ZC3H14: variants seen among roughly 807,000 people sequenced by gnomAD.
ZC3H14 encodes the protein zinc finger CCCH-type containing 14.
ZC3H14 carries 31 observed loss-of-function variants against 92.4 expected under a neutral mutation model. The observed-to-expected ratio is 0.34, with a 90% confidence interval of 0.25 to 0.45. The LOEUF (loss-of-function observed/expected upper bound fraction) is 0.45, where lower values mean the gene tolerates loss of function less well. Among genes scored for constraint, ZC3H14 ranks in the 20% least tolerant of loss-of-function variants. The pLI is 1.00. For synonymous variants in ZC3H14, 321 were observed against 300.9 expected, an observed-to-expected ratio of 1.07 and a Z score of -0.69; for missense variants, 781 against 897.3, an observed-to-expected ratio of 0.87 and a Z score of 1.66.
At position 88,580,880 on chromosome 14, in the gene ZC3H14, T is replaced by A. The variant is rs187783958; in HGVS notation, c.1279+2740T>A. Among the ~76,000 whole-genome samples, 922 of 152,326 alleles carry A rather than the reference T, an allele frequency of 6.1e-3. 9 individuals carry two copies. The highest frequency in any genetic ancestry group is 0.022 in the African/African-American group (895 of 41,576). ...GGAAAGGTAGATTATCATCAAACTT[T>A]TCAACAGCATCACTTTTGTGCTGGA... On this transcript the variant is annotated intron_variant, in intron 9 of 16. Transcript: ENST00000251038.
At chr14:88,563,741 C>G (rs370924404) in intron 2 of ZC3H14, 48 bp downstream of exon 2, 2 of 1,571,454 alleles carry the variant, frequency 1.3e-6, no homozygotes, top group African/African-American at 1.3e-5. Flanking sequence ...GAGTTTGCAG[C>G]TAATAGAATT....
chr14:88,581,249 C>A (rs966031460), intron 9 of ZC3H14, among the ~76,000 whole-genome samples: 1 of 152,130 alleles, frequency 6.6e-6, no homozygotes, highest in South Asian at 2.1e-4. Context: ...TCTTGGAATA[C>A]TTCCTATTTA....
At chr14:88,570,214 T>A (rs1281068088) in intron 3 of ZC3H14, among the ~76,000 whole-genome samples, 1 of 152,204 alleles carries the variant, frequency 6.6e-6, no homozygotes, top group Non-Finnish European at 1.5e-5. Flanking sequence ...TAGTGTTCAT[T>A]AACACCAGCC....
chr14:88,571,994 A>G, intron 4 of ZC3H14, 36 bp from the exon 5 acceptor site: 1 of 1,466,532 alleles, frequency 6.8e-7, no homozygotes, highest in Non-Finnish European at 9.2e-7. Context: ...AATAAGAAAT[A>G]AAAATAGATT....
intron 9 of ZC3H14, among the ~76,000 whole-genome samples, chr14:88,578,382 T>C (rs945070421): frequency 7.9e-5 from 12 of 152,142 alleles, no homozygotes; most frequent in African/African-American, 2.7e-4. Flanking sequence ...GCTCAAGCAG[T>C]CCTCCTGCCT....
rs1429191881 is a variant in ZC3H14, at chr14:88,621,271, C to T, written c.*9520C>T. 1 of 1,613,888 alleles carries T rather than the reference C, an allele frequency of 6.2e-7. No individual in the cohort carries two copies. Among genetic ancestry groups the T allele is most frequent in the Admixed American group, 1.7e-5 (1 of 60,012 alleles). ...TTTTTCTCTCCAACTTCGATTATTTCAGCATTCCTTGTCCCAACAAGGATC... is the reference window on the plus strand; with the variant it reads ...TTTTTCTCTCCAACTTCGATTATTTTAGCATTCCTTGTCCCAACAAGGATC... On this transcript the variant is annotated 3_prime_UTR_variant, in exon 17 of 17. Transcript: ENST00000251038.
chr14:88,621,441 T>C lies in ZC3H14; in HGVS notation c.*9690T>C. 1.1e-6 allele frequency: 1 copy of C among 890,520 alleles called. No homozygotes were observed. The highest frequency in any genetic ancestry group is 1.7e-6 in the Non-Finnish European group (1 of 572,646). 55.2% of individuals were successfully genotyped at this position (890,520 alleles called of 1,614,324 possible). A position where few individuals can be genotyped will look rare whatever the true frequency, so the allele number is the denominator to read the frequency against. ...ATCTAGTAGCAAGGCAGTCATTAGC[T>C]CATGCAAATTTTTCTATGACTACAG... On this transcript the variant is annotated 3_prime_UTR_variant, in exon 17 of 17. Coordinates refer to ENST00000251038, the MANE Select transcript of ZC3H14 (RefSeq NM_024824.5).
Position 88,563,064 on chromosome 14 carries a change from T to A in ZC3H14, c.-70T>A, listed in dbSNP as rs1453088131. 3.3e-6 allele frequency: 5 copies of A among 1,533,262 alleles called. No individual in the cohort carries two copies. The African/African-American group carries it at 5.6e-5, about 17-fold the overall frequency. The allele number at this position is 1,533,262 out of a possible 1,614,324, so 95.0% of individuals were successfully genotyped here. Reference sequence around the variant, plus strand: ...AGGCGGTGGTGTCCCGGCTGCGGGGTAGGAGTCCGCGGCAGCCTCCGGGTA... The same window carrying A: ...AGGCGGTGGTGTCCCGGCTGCGGGGAAGGAGTCCGCGGCAGCCTCCGGGTA... On this transcript the variant is annotated 5_prime_UTR_variant, in exon 1 of 17. Transcript: ENST00000251038.
At chr14:88,572,509 C>T (rs997700784) in intron 5 of ZC3H14, 69 bp from the exon 6 acceptor site, 64 of 1,579,010 alleles carry the variant, frequency 4.1e-5, no homozygotes, top group Non-Finnish European at 5.4e-5. Context: ...TTCAAGTAAA[C>T]ATTCTTTAAA....
At position 88,618,899 on chromosome 14, in the gene ZC3H14, A is replaced by T; in HGVS notation, c.*7148A>T. On this transcript the variant is annotated 3_prime_UTR_variant, in exon 17 of 17. Coordinates refer to ENST00000251038, the MANE Select transcript of ZC3H14 (RefSeq NM_024824.5). The stretch of plus-strand genomic sequence containing the variant: ...CAGTGACTTTTCCTTTCTAGTTCTT[A>T]AAAGTAACGTGTGATAAGGCCTCAA... 2 of 1,381,972 alleles carry T rather than the reference A, an allele frequency of 1.4e-6. No homozygotes were observed. The highest frequency in any genetic ancestry group is 1.9e-6 in the Non-Finnish European group (2 of 1,037,392). 85.6% of individuals were successfully genotyped at this position (1,381,972 alleles called of 1,614,324 possible). A position where few individuals can be genotyped will look rare whatever the true frequency, so the allele number is the denominator to read the frequency against.
intron 9 of ZC3H14, among the ~76,000 whole-genome samples, chr14:88,595,716 A>G (rs541528793): frequency 9.3e-4 from 142 of 152,346 alleles, no homozygotes; most frequent in African/African-American, 3.4e-3. Context: ...AAATTTAAAA[A>G]CACCTTTTAA....
chr14:88,579,588 AG>A (rs1182073095), intron 9 of ZC3H14, among the ~76,000 whole-genome samples: 1 of 152,226 alleles, frequency 6.6e-6, no homozygotes, highest in Non-Finnish European at 1.5e-5. Flanking sequence ...AGAAAAGGAA[AG>A]AATGTCAGAT....
intron 9 of ZC3H14, among the ~76,000 whole-genome samples, chr14:88,583,245 C>T (rs908879331): frequency 2.6e-5 from 4 of 151,738 alleles, no homozygotes; most frequent in Admixed American, 6.6e-5. Flanking sequence ...GATCCTCCCA[C>T]CTCAGGGACC....
chr14:88,625,081 C>T lies in ZC3H14; in HGVS notation c.*13330C>T. 6.2e-7 allele frequency: 1 copy of T among 1,613,950 alleles called. No homozygotes were observed. The highest frequency in any genetic ancestry group is 8.5e-7 in the Non-Finnish European group (1 of 1,179,858). On this transcript the variant is annotated 3_prime_UTR_variant, in exon 17 of 17. Coordinates refer to ENST00000251038, the MANE Select transcript of ZC3H14 (RefSeq NM_024824.5). ...GATTCTACACAATATGTGATCTTTC[C>T]ACACACAGACATCACCACTGATGGT...
intron 9 of ZC3H14, among the ~76,000 whole-genome samples, chr14:88,593,079 T>C (rs2083361032): frequency 6.6e-6 from 1 of 151,700 alleles, no homozygotes; most frequent in African/African-American, 2.4e-5. Flanking sequence ...GCGATTCTCC[T>C]GCCTCAGCCT....
Position 88,624,884 on chromosome 14 carries a change from A to T in ZC3H14, c.*13133A>T, listed in dbSNP as rs1329764356. ...GAAGGTCGGAGAGGACACTCTGTGT[A>T]GCCTAGAAACAACTAGAATAATTAA... On this transcript the variant is annotated 3_prime_UTR_variant, in exon 17 of 17. Coordinates refer to ENST00000251038, the MANE Select transcript of ZC3H14 (RefSeq NM_024824.5). 1.4e-6 allele frequency: 2 copies of T among 1,476,200 alleles called. No individual in the cohort carries two copies. The highest frequency in any genetic ancestry group is 4.7e-5 in the East Asian group (2 of 42,888). The allele number at this position is 1,476,200 out of a possible 1,614,324, so 91.4% of individuals were successfully genotyped here.
chr14:88,618,503 A>G lies in ZC3H14; in HGVS notation c.*6752A>G. 2 of 1,095,528 alleles carry G rather than the reference A, an allele frequency of 1.8e-6. No homozygotes were observed. The highest frequency in any genetic ancestry group is 1.6e-5 in the South Asian group (1 of 60,660). The allele number at this position is 1,095,528 out of a possible 1,614,324, so 67.9% of individuals were successfully genotyped here. A position where few individuals can be genotyped will look rare whatever the true frequency, so the allele number is the denominator to read the frequency against. ...GGAGAAAAGCTCTGATAAGTGGGGG[A>G]GGAAAGGGGAGCTGTAGGTCAGAAG... is the stretch of plus-strand genomic sequence containing the variant. On this transcript the variant is annotated 3_prime_UTR_variant, in exon 17 of 17. Coordinates refer to ENST00000251038, the MANE Select transcript of ZC3H14 (RefSeq NM_024824.5).
Position 88,572,980 on chromosome 14 carries a change from A to G in ZC3H14, c.834A>G (p.Arg278=), listed in dbSNP as rs2080634343. Residue 278 remains arginine (R), a synonymous_variant, in exon 6 of 17, where the codon AGA becomes AGG. Transcript: ENST00000251038. ...SLEETYSPFF[R]NNSEKMSMED... The stretch of plus-strand genomic sequence containing the variant: ...AAGAAACGTATAGTCCGTTCTTTAG[A>G]AACAACTCGGAGAAAATGAGTATGG... 1.2e-6 allele frequency: 2 copies of G among 1,613,986 alleles called. No individual in the cohort carries two copies. Among genetic ancestry groups the G allele is most frequent in the Admixed American group, 3.3e-5 (2 of 60,002 alleles).
chr14:88,607,573 A>C, intron 13 of ZC3H14, among the ~76,000 whole-genome samples: 1 of 117,242 alleles, frequency 8.5e-6, no homozygotes, highest in Admixed American at 9.3e-5. Flanking sequence ...CCCCCATCTC[A>C]CCCTGCAAGT....
Sources: gnomAD v4.1 joint callset for allele counts (sites outside exome capture counted in the v4.1 genomes callset) on GRCh38, gnomAD v4.1.1 for gene constraint, MANE v1.5 for transcripts, NCBI Gene and HGNC (gene_info 2026-07-23, HGNC 2026-07-21) for gene names.